Variants in DYM observed in about 807,000 individuals in gnomAD.
The protein encoded by DYM is dyggve-Melchior-Clausen syndrome protein.
DYM carries 78 observed loss-of-function variants against 93.1 expected under a neutral mutation model. That is an observed-to-expected ratio of 0.84 (90% confidence interval 0.70 to 1.01). The LOEUF is 1.01. DYM is among the 50% of genes least tolerant of loss of function. The pLI is 0.00. For synonymous variants in DYM, 321 were observed against 319.7 expected, an observed-to-expected ratio of 1.00 and a Z score of -0.04; for missense variants, 789 against 845.0, an observed-to-expected ratio of 0.93 and a Z score of 0.82.
chr18:49,110,196 A>T (rs951019014), intron 16 of DYM, among the ~76,000 whole-genome samples: 1 of 152,228 alleles, frequency 6.6e-6, no homozygotes, highest in Non-Finnish European at 1.5e-5. Context: ...AAATATTTAC[A>T]ATCTGCTCAC....
chr18:49,325,072 G>T (rs181700707), intron 8 of DYM, among the ~76,000 whole-genome samples: 2 of 152,044 alleles, frequency 1.3e-5, no homozygotes, highest in Non-Finnish European at 2.9e-5. Flanking sequence ...GAGAGGTCCC[G>T]GGATAATAAT....
intron 10 of DYM, among the ~76,000 whole-genome samples, chr18:49,274,587 T>C (rs557462563): frequency 2.2e-4 from 34 of 152,204 alleles, no homozygotes; most frequent in Non-Finnish European, 4.6e-4. Flanking sequence ...CATTGCATCA[T>C]ATTACATTTC....
intron 14 of DYM, among the ~76,000 whole-genome samples, chr18:49,200,612 T>C (rs1295657680): frequency 6.6e-6 from 1 of 152,040 alleles, no homozygotes; most frequent in African/African-American, 2.4e-5. Flanking sequence ...TTCCTAAATA[T>C]AACCCTTTCT....
chr18:49,310,093 T>C (rs137967118), intron 8 of DYM, among the ~76,000 whole-genome samples: 81 of 152,354 alleles, frequency 5.3e-4, no homozygotes, highest in African/African-American at 1.9e-3. Flanking sequence ...CTATATTGGA[T>C]ATACTATGAT....
At chr18:49,425,169 C>A (rs2074144878) in intron 2 of DYM, among the ~76,000 whole-genome samples, 1 of 152,196 alleles carries the variant, frequency 6.6e-6, no homozygotes, top group African/African-American at 2.4e-5. Context: ...GTAACCAAAA[C>A]AGCATGGTAC....
intron 17 of DYM, among the ~76,000 whole-genome samples, chr18:49,059,436 A>T (rs1383963125): frequency 6.6e-6 from 1 of 152,232 alleles, no homozygotes; most frequent in Non-Finnish European, 1.5e-5. Flanking sequence ...TAATATTTAC[A>T]TTATAACTGT....
intron 2 of DYM, among the ~76,000 whole-genome samples, chr18:49,419,812 T>C (rs186594708): frequency 6.6e-6 from 1 of 152,214 alleles, no homozygotes; most frequent in African/African-American, 2.4e-5. Flanking sequence ...TATATTTCAA[T>C]GTAAAAACCA....
At chr18:49,272,431 C>T in intron 10 of DYM, 128 bp from the exon 11 acceptor site, 1 of 681,046 alleles carries the variant, frequency 1.5e-6, no homozygotes, top group Non-Finnish European at 2.5e-6. Context: ...GAGAAAAAAC[C>T]ATATAAACCC....
chr18:49,378,316 G>A (rs775405901), intron 5 of DYM, among the ~76,000 whole-genome samples: 1 of 152,038 alleles, frequency 6.6e-6, no homozygotes, highest in Non-Finnish European at 1.5e-5. Flanking sequence ...CCACATGCAT[G>A]AAAGTCAAAA....
Position 49,264,147 on chromosome 18 carries a change from C to T in DYM, c.1252-5654G>A, listed in dbSNP as rs914445500. 7.4e-5 allele frequency among the ~76,000 whole-genome samples: 11 copies of T among 149,342 alleles called. No homozygotes were observed. The South Asian group carries it at 1.7e-3, about 23-fold the overall frequency. ...TTTATTATCAATACACGTAGCTCTA[C>T]GCATTCATTCTAGCTGCTTTACAAT... is the stretch of plus-strand genomic sequence containing the variant. On this transcript the variant is annotated intron_variant, in intron 11 of 17. Transcript: ENST00000675505.
intron 17 of DYM, among the ~76,000 whole-genome samples, chr18:49,062,233 T>C (rs776335865): frequency 2.0e-5 from 3 of 152,188 alleles, no homozygotes; most frequent in Non-Finnish European, 2.9e-5. Flanking sequence ...GTTTTACTTA[T>C]TCTATACATT....
At chr18:49,289,307 T>C (rs1211488365) in intron 8 of DYM, among the ~76,000 whole-genome samples, 1 of 150,542 alleles carries the variant, frequency 6.6e-6, no homozygotes, top group Admixed American at 6.6e-5. Context: ...TAAATACTTT[T>C]ACATGATAAA....
At chr18:49,150,045 T>C (rs906035323) in intron 15 of DYM, among the ~76,000 whole-genome samples, 4 of 152,168 alleles carry the variant, frequency 2.6e-5, no homozygotes, top group Non-Finnish European at 4.4e-5. Flanking sequence ...TCTTTCACAA[T>C]TGCTATTTAA....
chr18:49,367,376 C>T (rs951867071), intron 5 of DYM, among the ~76,000 whole-genome samples: 3 of 152,144 alleles, frequency 2.0e-5, no homozygotes, highest in African/African-American at 7.2e-5. Context: ...ATCTAGGGTC[C>T]CTTAAGGTTC....
intron 15 of DYM, chr18:49,126,615 A>C (rs1246335108): frequency 6.6e-6 from 1 of 151,984 alleles, no homozygotes; most frequent in Non-Finnish European, 1.5e-5. Flanking sequence ...ATCTAATCTC[A>C]TGATTTGGGT....
intron 13 of DYM, among the ~76,000 whole-genome samples, chr18:49,210,570 A>T (rs974340692): frequency 1.3e-5 from 2 of 152,204 alleles, no homozygotes; most frequent in African/African-American, 4.8e-5. Context: ...GAATATACAA[A>T]GCATAGAGGA....
At chr18:49,344,576 T>A (rs2064425648) in intron 6 of DYM, among the ~76,000 whole-genome samples, 1 of 152,202 alleles carries the variant, frequency 6.6e-6, no homozygotes, top group South Asian at 2.1e-4. Context: ...GTGAGAAATC[T>A]ATCAGGAAGA....
intron 17 of DYM, among the ~76,000 whole-genome samples, chr18:49,051,530 A>G (rs1308068304): frequency 2.0e-5 from 3 of 152,228 alleles, no homozygotes; most frequent in Admixed American, 6.5e-5. Flanking sequence ...ACTTGAAGAA[A>G]GGGTTGAATG....
intron 16 of DYM, among the ~76,000 whole-genome samples, chr18:49,099,308 G>C (rs970313430): frequency 6.6e-6 from 1 of 152,042 alleles, no homozygotes; most frequent in Non-Finnish European, 1.5e-5. Context: ...CTCAAGCATG[G>C]CTGATCATCA....
Sources: gnomAD v4.1 joint callset for allele counts (sites outside exome capture counted in the v4.1 genomes callset) on GRCh38, gnomAD v4.1.1 for gene constraint, MANE v1.5 for transcripts, NCBI Gene and HGNC (gene_info 2026-07-23, HGNC 2026-07-21) for gene names.